The following EPHB4 variants were observed in gnomAD, a reference collection of about 807,000 sequenced individuals.
EPHB4 encodes the protein EPH receptor B4.
In EPHB4, 50 loss-of-function variants were observed where a neutral mutation model predicts 110.6. The observed-to-expected ratio is 0.45, with a 90% CI of 0.36 to 0.57. The LOEUF is 0.57. EPHB4 is among the 20% of genes least tolerant of loss of function. The pLI, the probability that EPHB4 is intolerant of heterozygous loss-of-function variation, is 0.00. For synonymous variants in EPHB4, 592 were observed against 578.4 expected (o/e 1.02, Z -0.34); for missense variants, 1,128 against 1,382.1 (o/e 0.82, Z 2.91).
intron 7 of EPHB4, among the ~76,000 whole-genome samples, chr7:100,817,572 T>C (rs1326709489): frequency 2.0e-5 from 3 of 152,188 alleles, no homozygotes; most frequent in Non-Finnish European, 4.4e-5. Flanking sequence ...TGGAATGCAA[T>C]GGTGCAAACA....
At chr7:100,806,688 C>G in intron 13 of EPHB4, 119 bp from the exon 14 acceptor site, 1 of 1,209,340 alleles carries the variant, frequency 8.3e-7, no homozygotes, top group Middle Eastern at 2.6e-4. Context: ...AGGCCCCAAG[C>G]CTCCTACTCT....
At chr7:100,818,711 T>A (rs977206920) in intron 6 of EPHB4, 67 bp from the exon 7 acceptor site, 45 of 1,500,514 alleles carry the variant, frequency 3.0e-5, no homozygotes, top group Middle Eastern at 3.5e-4. Flanking sequence ...TAAAAAAAAT[T>A]TTTTTTTTCG....
At chr7:100,817,915 G>T (rs993377836) in intron 7 of EPHB4, among the ~76,000 whole-genome samples, 1 of 117,868 alleles carries the variant, frequency 8.5e-6, no homozygotes, top group Non-Finnish European at 1.6e-5. Flanking sequence ...CGCCCAGGCC[G>T]GACTGCAGTG....
intron 16 of EPHB4, among the ~76,000 whole-genome samples, chr7:100,804,203 T>C (rs314349): frequency 1.3e-5 from 2 of 151,390 alleles, no homozygotes; most frequent in East Asian, 1.9e-4. Context: ...GTTTTGCTAT[T>C]TTGGCCAGGC....
At chr7:100,823,211 G>A (rs1382544817) in intron 3 of EPHB4, among the ~76,000 whole-genome samples, 1 of 152,150 alleles carries the variant, frequency 6.6e-6, no homozygotes, top group Non-Finnish European at 1.5e-5. Context: ...AGGGAGGAGA[G>A]AGTCAGCCAA....
chr7:100,818,283 T>C (rs1813131809), intron 7 of EPHB4, among the ~76,000 whole-genome samples: 1 of 152,182 alleles, frequency 6.6e-6, no homozygotes, highest in Non-Finnish European at 1.5e-5. Flanking sequence ...ATTACAGGCG[T>C]GAGCCACCGC....
intron 16 of EPHB4, 124 bp downstream of exon 16, chr7:100,805,042 G>A: frequency 6.4e-6 from 8 of 1,257,924 alleles, no homozygotes; most frequent in African/African-American, 1.5e-5. Context: ...GGCATGGCAT[G>A]AGCGCAGTGC....
At chr7:100,805,847 G>A in intron 14 of EPHB4, 153 bp from the exon 15 acceptor site, 2 of 686,180 alleles carry the variant, frequency 2.9e-6, no homozygotes, top group Non-Finnish European at 4.3e-6. Context: ...CGGAGTTGAA[G>A]CTCTCTGTGG....
Position 100,827,135 on chromosome 7 carries a change from T to G in EPHB4, c.-105A>C. On this transcript the variant is annotated 5_prime_UTR_variant, in exon 1 of 17. Coordinates refer to ENST00000358173, the MANE Select transcript of EPHB4 (RefSeq NM_004444.5). The stretch of plus-strand genomic sequence containing the variant: ...TGGACGCCGATACTCCGCGCGGGAC[T>G]CCTCGTCGGGGCCCTCAGCGCGGGC... 3 of 1,273,546 alleles carry G rather than the reference T, an allele frequency of 2.4e-6. No homozygotes were observed. Among genetic ancestry groups the G allele is most frequent in the Non-Finnish European group, 3.2e-6 (3 of 932,202 alleles). 78.9% of individuals were successfully genotyped at this position (1,273,546 alleles called of 1,614,324 possible). A position where few individuals can be genotyped will look rare whatever the true frequency, so the allele number is the denominator to read the frequency against.
chr7:100,804,360 G>A (rs563044762), intron 16 of EPHB4, among the ~76,000 whole-genome samples: 1 of 133,444 alleles, frequency 7.5e-6, no homozygotes, highest in East Asian at 2.3e-4. Context: ...TGTCATCCAG[G>A]CTGGAGTGCA....
chr7:100,817,430 C>G, intron 7 of EPHB4, 73 bp from the exon 8 acceptor site: 1 of 1,466,074 alleles, frequency 6.8e-7, no homozygotes, highest in Non-Finnish European at 9.0e-7. Context: ...GCCTCCTTCC[C>G]TCGCCCTCCA....
At position 100,807,479 on chromosome 7, in the gene EPHB4, G is replaced by A. The variant is rs751061140; in HGVS notation, c.2220C>T (p.Asp740=). The A allele has an allele frequency of 9.3e-5, 150 of 1,614,018 alleles. No homozygotes were observed. Among genetic ancestry groups the A allele is most frequent in the Middle Eastern group, 3.3e-4 (2 of 6,084 alleles). ...TGACTAGGATGTTGCGAGCAGCCAG[G>A]TCTCGGTGGACGTAGCTCATCTCGG... ...YLAEMSYVHR[D]LAARNILVNS... Residue 740 remains aspartate, a synonymous_variant, in exon 13 of 17, where the codon GAC becomes GAT. Coordinates refer to ENST00000358173, the MANE Select transcript of EPHB4 (RefSeq NM_004444.5).
intron 12 of EPHB4, among the ~76,000 whole-genome samples, chr7:100,808,602 T>C (rs1812864468): frequency 6.6e-6 from 1 of 152,116 alleles, no homozygotes; most frequent in South Asian, 2.1e-4. Context: ...TGTGTATGGA[T>C]TTGCAAGAGA....
chr7:100,818,195 T>C (rs1328796090), intron 7 of EPHB4, among the ~76,000 whole-genome samples: 1 of 151,772 alleles, frequency 6.6e-6, no homozygotes, highest in East Asian at 1.9e-4. Context: ...GAGATGAAGT[T>C]TCACCATGTT....
At chr7:100,809,971 G>A (rs544494561) in intron 12 of EPHB4, among the ~76,000 whole-genome samples, 68 of 152,302 alleles carry the variant, frequency 4.5e-4, no homozygotes, top group African/African-American at 1.6e-3. Context: ...AAAATTAGCC[G>A]GGCATAGTGG....
In EPHB4 at chr7:100,812,656, A is replaced by AC. The variant is rs548044704; in HGVS notation, c.2118+90dup. The AC allele has an allele frequency of 3.5e-4, 531 of 1,513,690 alleles. 9 individuals are homozygous for AC. The South Asian group carries it at 6.5e-3, about 19-fold the overall frequency. 93.8% of individuals were successfully genotyped at this position (1,513,690 alleles called of 1,614,324 possible). ...AAAAGGCTGGAGGAGGTGACCTGGG[A>AC]CCCACTGTCTGTCCTGGCTTCTTAA... On this transcript the variant is annotated intron_variant, in intron 12 of 16. Transcript: ENST00000358173.
At chr7:100,812,697 G>A in intron 12 of EPHB4, 50 bp downstream of exon 12, 1 of 1,580,574 alleles carries the variant, frequency 6.3e-7, no homozygotes, top group Non-Finnish European at 8.6e-7. Flanking sequence ...GTGGCCTCTG[G>A]GTGTAAGTGG....
At position 100,819,723 on chromosome 7, in the gene EPHB4, C is replaced by T. The variant is rs1211358675; in HGVS notation, c.1131G>A (p.Leu377=). ...GGTCCCGGGGGCCGGGGTCAAAAGT[C>T]AGGTCTCCCCCGCAGGGCGCACAGG... The part of the protein sequence containing the change: ...GGSCAPCGGD[L]TFDPGPRDLV... Residue 377 remains leucine (L), a synonymous_variant, in exon 6 of 17, where the codon CTG becomes CTA. Coordinates refer to ENST00000358173, the MANE Select transcript of EPHB4 (RefSeq NM_004444.5). The T allele has an allele frequency of 6.2e-7, 1 of 1,612,570 alleles. No individual in the cohort carries two copies. The highest frequency in any genetic ancestry group is 8.5e-7 in the Non-Finnish European group (1 of 1,179,628).
intron 10 of EPHB4, 44 bp from the exon 11 acceptor site, chr7:100,813,252 A>G: frequency 6.7e-7 from 1 of 1,488,126 alleles, no homozygotes; most frequent in Non-Finnish European, 9.1e-7. Flanking sequence ...ATTAACTCCC[A>G]CTGGACTCGG....
Sources: gnomAD v4.1 joint callset for allele counts (sites outside exome capture counted in the v4.1 genomes callset) on GRCh38, gnomAD v4.1.1 for gene constraint, MANE v1.5 for transcripts, NCBI Gene and HGNC (gene_info 2026-07-23, HGNC 2026-07-21) for gene names.